Variants in TEAD1 observed in about 807,000 individuals in gnomAD.
TEAD1 encodes the protein TEA domain transcription factor 1.
A neutral mutation model predicts 54.9 loss-of-function variants in TEAD1; 9 were observed. The ratio of observed to expected loss-of-function variants is 0.16; its 90% CI spans 0.10 to 0.29. The LOEUF (loss-of-function observed/expected upper bound fraction) is 0.29. Ranked by LOEUF, TEAD1 falls within the 10% of genes least tolerant of loss-of-function variation. TEAD1 has a pLI of 1.00. For synonymous variants in TEAD1, 200 were observed against 187.8 expected (o/e 1.07, Z -0.53); for missense variants, 387 against 535.9 (o/e 0.72, Z 2.74).
intron 3 of TEAD1, among the ~76,000 whole-genome samples, chr11:12,831,970 A>G (rs1946792956): frequency 6.6e-6 from 1 of 152,288 alleles, no homozygotes; most frequent in East Asian, 1.9e-4. Flanking sequence ...ATTAAGAGGT[A>G]GGAAAGCTGC....
At chr11:12,744,587 A>G (rs1944709351) in intron 2 of TEAD1, among the ~76,000 whole-genome samples, 1 of 152,206 alleles carries the variant, frequency 6.6e-6, no homozygotes, top group Non-Finnish European at 1.5e-5. Flanking sequence ...TGATGGTGGA[A>G]TATGGGTAAA....
At chr11:12,740,822 G>T (rs1430480458) in intron 2 of TEAD1, among the ~76,000 whole-genome samples, 2 of 152,100 alleles carry the variant, frequency 1.3e-5, no homozygotes, top group African/African-American at 4.8e-5. Flanking sequence ...TGGGGACGCA[G>T]CCAAACCATA....
At chr11:12,725,864 T>A (rs1944300848) in intron 2 of TEAD1, among the ~76,000 whole-genome samples, 1 of 152,158 alleles carries the variant, frequency 6.6e-6, no homozygotes, top group African/African-American at 2.4e-5. Context: ...GCAACACAAA[T>A]CACTGTGCAT....
intron 2 of TEAD1, among the ~76,000 whole-genome samples, chr11:12,746,208 A>G (rs947522729): frequency 5.3e-5 from 8 of 152,334 alleles, no homozygotes; most frequent in African/African-American, 1.9e-4. Flanking sequence ...ATGAACTTTG[A>G]TTTCATTTTA....
intron 3 of TEAD1, among the ~76,000 whole-genome samples, chr11:12,797,275 C>G (rs1321037037): frequency 1.3e-5 from 2 of 152,236 alleles, no homozygotes; most frequent in African/African-American, 2.4e-5. Context: ...CCCTCAAACT[C>G]TGTCCCATCA....
chr11:12,921,520 AAG>A (rs1322235250), intron 10 of TEAD1, among the ~76,000 whole-genome samples: 1 of 143,798 alleles, frequency 7.0e-6, no homozygotes, highest in East Asian at 2.2e-4. Context: ...AGTCTGCAAC[AAG>A]AGCAAAACTC....
chr11:12,732,649 T>C (rs1192477303), intron 2 of TEAD1, among the ~76,000 whole-genome samples: 2 of 152,148 alleles, frequency 1.3e-5, no homozygotes, highest in Non-Finnish European at 2.9e-5. Flanking sequence ...TCAGATGCAT[T>C]TCGATGTCCT....
chr11:12,713,786 C>T (rs1335504469), intron 2 of TEAD1, among the ~76,000 whole-genome samples: 4 of 152,306 alleles, frequency 2.6e-5, no homozygotes, highest in Middle Eastern at 3.4e-3. Flanking sequence ...TTTTCCACTC[C>T]GCCGTCCTTT....
chr11:12,704,530 A>T (rs970699893), intron 2 of TEAD1, among the ~76,000 whole-genome samples: 2 of 152,226 alleles, frequency 1.3e-5, no homozygotes, highest in Admixed American at 6.5e-5. Context: ...AGAGGAATGT[A>T]CATCATTTTA....
At chr11:12,720,097 C>T (rs1944161329) in intron 2 of TEAD1, among the ~76,000 whole-genome samples, 1 of 149,788 alleles carries the variant, frequency 6.7e-6, no homozygotes, top group African/African-American at 2.4e-5. Context: ...GGGCATCTCT[C>T]ATTATATAAT....
chr11:12,839,676 A>G (rs1408468128), intron 3 of TEAD1, among the ~76,000 whole-genome samples: 1 of 152,186 alleles, frequency 6.6e-6, no homozygotes, highest in African/African-American at 2.4e-5. Context: ...TTATCAGAGC[A>G]GGTTCAGAAC....
chr11:12,913,449 G>A (rs1410013406), intron 10 of TEAD1, among the ~76,000 whole-genome samples: 4 of 152,256 alleles, frequency 2.6e-5, no homozygotes, highest in African/African-American at 4.8e-5. Context: ...ACCATTATAC[G>A]TATACATATA....
At chr11:12,683,111 T>A (rs1486946013) in intron 2 of TEAD1, among the ~76,000 whole-genome samples, 1 of 152,234 alleles carries the variant, frequency 6.6e-6, no homozygotes, top group East Asian at 1.9e-4. Flanking sequence ...TTACTTTAGC[T>A]TATGTTACCC....
In TEAD1 at chr11:12,902,014, C is replaced by T. The variant is rs1239857352; in HGVS notation, c.774C>T (p.Asp258=). 2.5e-6 allele frequency: 4 copies of T among 1,614,204 alleles called. No homozygotes were observed. The South Asian group carries it at 3.3e-5, about 13-fold the overall frequency. ...GTGACCCATTGCTTGAATCAGTGGA[C>T]ATTCGTCAGATTTATGACAAATTTC... The change falls in exon 10 of 13, where the codon GAC becomes GAT. Residue 258 remains aspartate, a synonymous_variant. Transcript: ENST00000527636.
intron 2 of TEAD1, among the ~76,000 whole-genome samples, chr11:12,758,283 C>T (rs375635640): frequency 6.6e-6 from 1 of 151,040 alleles, no homozygotes; most frequent in Non-Finnish European, 1.5e-5. Flanking sequence ...CTCTGTTGCC[C>T]AGGCTGGAGT....
chr11:12,910,993 C>T (rs12294077), intron 10 of TEAD1, among the ~76,000 whole-genome samples: 27,485 of 152,066 alleles, frequency 0.18, 2,670 homozygotes, highest in Non-Finnish European at 0.22. Flanking sequence ...GTGATCCACC[C>T]GCCTTGGCCT....
At chr11:12,881,389 C>T (rs1258934190) in intron 7 of TEAD1, among the ~76,000 whole-genome samples, 1 of 152,140 alleles carries the variant, frequency 6.6e-6, no homozygotes, top group Non-Finnish European at 1.5e-5. Context: ...ATCCTCTAGC[C>T]CATTTCATTC....
chr11:12,854,919 A>G (rs1053824743), intron 3 of TEAD1, among the ~76,000 whole-genome samples: 2 of 151,928 alleles, frequency 1.3e-5, no homozygotes, highest in Non-Finnish European at 2.9e-5. Context: ...TTTTACCCCC[A>G]TAATTTTAGC....
intron 2 of TEAD1, among the ~76,000 whole-genome samples, chr11:12,744,670 A>T (rs1196520163): frequency 6.6e-6 from 1 of 152,186 alleles, no homozygotes. Context: ...TTATAACTAG[A>T]GGTGTTCCAG....
Sources: gnomAD v4.1 joint callset for allele counts (sites outside exome capture counted in the v4.1 genomes callset) on GRCh38, gnomAD v4.1.1 for gene constraint, MANE v1.5 for transcripts, NCBI Gene and HGNC (gene_info 2026-07-23, HGNC 2026-07-21) for gene names.